Variants in AACS observed in about 807,000 individuals in gnomAD.
The protein encoded by AACS is acetoacetate-CoA ligase.
Under a neutral mutation model 83.1 loss-of-function variants are expected in AACS, and 69 were observed. The observed-to-expected ratio is 0.83, with a 90% CI of 0.68 to 1.01. The LOEUF is 1.01. Ranked by LOEUF, AACS falls within the 50% of genes least tolerant of loss-of-function variation. The pLI is 0.00. For missense variants in AACS, 866 were observed against 882.2 expected (o/e 0.98, Z 0.23); for synonymous variants, 333 against 343.4 (o/e 0.97, Z 0.33).
At chr12:125,098,707 C>T (rs1434158382) in intron 5 of AACS, among the ~76,000 whole-genome samples, 1 of 152,204 alleles carries the variant, frequency 6.6e-6, no homozygotes, top group Non-Finnish European at 1.5e-5. Flanking sequence ...CCCGCCTTGG[C>T]CTCCCGGTGT....
In AACS at chr12:125,102,713, A is replaced by G; in HGVS notation, c.605A>G (p.Lys202Arg). 5 of 1,614,082 alleles carry G rather than the reference A, an allele frequency of 3.1e-6. No homozygotes were observed. Among genetic ancestry groups the G allele is most frequent in the Non-Finnish European group, 4.2e-6 (5 of 1,180,006 alleles). The change falls in exon 6 of 18, where the codon AAG (lysine) becomes AGG (arginine). Residue 202 changes from lysine to arginine, a missense_variant. Physicochemically the swap from Lys to Arg is conservative, Grantham distance 26 (BLOSUM62 2). Coordinates refer to ENST00000316519, the MANE Select transcript of AACS (RefSeq NM_023928.5). Reference protein sequence around the residue: ...VLDRFSQIQPKLIFSVEAVVY... With the variant: ...VLDRFSQIQPRLIFSVEAVVY... ...GACCGGTTTTCTCAAATTCAGCCAA[A>G]GCTCATCTTCTCTGTGGAGGCTGTT...
Position 125,094,297 on chromosome 12 carries a change from T to C in AACS, c.570+2774T>C, listed in dbSNP as rs909257191. Among the ~76,000 whole-genome samples the C allele has an allele frequency of 6.6e-6, 1 of 152,368 alleles. No individual in the cohort carries two copies. Among genetic ancestry groups the C allele is most frequent in the African/African-American group, 2.4e-5 (1 of 41,594 alleles). ...AAGGGGCGCTCTTCAGAAACTGCAA[T>C]GAAGCGTGAATGTCTTCCCTTTGGA... is the stretch of plus-strand genomic sequence containing the variant. On this transcript the variant is annotated intron_variant, in intron 5 of 17. Coordinates refer to ENST00000316519, the MANE Select transcript of AACS (RefSeq NM_023928.5). The surrounding 1 kb of genome is among the most constrained non-coding windows in gnomAD (Gnocchi z 4.1).
At chr12:125,100,938 C>T (rs1335178933) in intron 5 of AACS, 2 of 152,258 alleles carry the variant, frequency 1.3e-5, no homozygotes, top group Non-Finnish European at 2.9e-5. Flanking sequence ...AATAGTCCCA[C>T]TGCAGGCGGT....
At chr12:125,125,130 G>A (rs1341958196) in intron 12 of AACS, 106 bp downstream of exon 12, 4 of 1,521,506 alleles carry the variant, frequency 2.6e-6, no homozygotes, top group Non-Finnish European at 3.6e-6. Context: ...AGTCCGCTGG[G>A]CAGCCAATAC....
In AACS at chr12:125,086,534, G is replaced by C. The variant is rs1243464547; in HGVS notation, c.472+91G>C. On this transcript the variant is annotated intron_variant, in intron 4 of 17. Transcript: ENST00000316519. ...GTCAAGACGGCTTTCAAATAAGGGG[G>C]AGTCATGTCATATTACATGGAACCT... The C allele has an allele frequency of 6.0e-6, 7 of 1,170,998 alleles. No homozygotes were observed. The Admixed American group carries it at 1.3e-4, about 22-fold the overall frequency. 72.5% of individuals were successfully genotyped at this position (1,170,998 alleles called of 1,614,324 possible). A position where few individuals can be genotyped will look rare whatever the true frequency, so the allele number is the denominator to read the frequency against.
intron 9 of AACS, chr12:125,118,394 C>T (rs1007786857): frequency 2.6e-4 from 126 of 491,066 alleles, no homozygotes; most frequent in Non-Finnish European, 3.1e-4. Context: ...TGCTTTGTCT[C>T]TGTCACCAGC....
At chr12:125,133,560 C>T (rs1022856833) in intron 14 of AACS, among the ~76,000 whole-genome samples, 1 of 152,232 alleles carries the variant, frequency 6.6e-6, no homozygotes, top group African/African-American at 2.4e-5. Flanking sequence ...CCTTCCTGGT[C>T]ACGAGCACGT....
At chr12:125,066,574 C>T (rs546515314) in intron 1 of AACS, among the ~76,000 whole-genome samples, 5 of 151,760 alleles carry the variant, frequency 3.3e-5, no homozygotes, top group African/African-American at 4.8e-5. Flanking sequence ...CTCAGCCTCC[C>T]GAGTAGCTGG....
chr12:125,077,938 A>G (rs2136045813), intron 3 of AACS, among the ~76,000 whole-genome samples: 1 of 152,182 alleles, frequency 6.6e-6, no homozygotes, highest in Middle Eastern at 3.4e-3. Flanking sequence ...CGAACTCCTG[A>G]CCTCAGGTGA....
intron 1 of AACS, among the ~76,000 whole-genome samples, chr12:125,071,155 C>T (rs957383189): frequency 2.0e-5 from 3 of 152,166 alleles, no homozygotes; most frequent in Admixed American, 1.3e-4. Flanking sequence ...CAAGGTAGTG[C>T]AGGAGACATC....
At position 125,091,974 on chromosome 12, in the gene AACS, G is replaced by C. The variant is rs570351876; in HGVS notation, c.570+451G>C. On this transcript the variant is annotated intron_variant, in intron 5 of 17. Coordinates refer to ENST00000316519, the MANE Select transcript of AACS (RefSeq NM_023928.5). ...CAGCCCCTTCCTCTGGACCCGTACT[G>C]TGTGGGTGTGCACTCCGGGAGGGTG... Among the ~76,000 whole-genome samples the C allele has an allele frequency of 2.0e-4, 30 of 152,192 alleles. 1 individual carries two copies. Among genetic ancestry groups the C allele is most frequent in the Non-Finnish European group, 2.9e-5 (2 of 68,026 alleles).
In AACS at chr12:125,085,534, G is replaced by A. The variant is rs369396549; in HGVS notation, c.359-796G>A. On this transcript the variant is annotated intron_variant, in intron 3 of 17. Coordinates refer to ENST00000316519, the MANE Select transcript of AACS (RefSeq NM_023928.5). ...GTTTCATGGAACCACGTACGTGCAC[G>A]TTGCATCCACATCTGTTTCACGGAA... Among the ~76,000 whole-genome samples the A allele has an allele frequency of 2.8e-4, 42 of 151,570 alleles. 1 individual carries two copies. The highest frequency in any genetic ancestry group is 8.0e-4 in the African/African-American group (33 of 41,198).
chr12:125,116,034 G>A (rs898721659), intron 9 of AACS, among the ~76,000 whole-genome samples: 2 of 152,158 alleles, frequency 1.3e-5, no homozygotes, highest in African/African-American at 4.8e-5. Flanking sequence ...AGGGGCTTGA[G>A]ACAAATGATT....
At chr12:125,091,881 A>T (rs1241966550) in intron 5 of AACS, among the ~76,000 whole-genome samples, 1 of 152,162 alleles carries the variant, frequency 6.6e-6, no homozygotes, top group East Asian at 1.9e-4. Context: ...AGTTCTCTAG[A>T]TTTTTGTTCT....
Position 125,086,453 on chromosome 12 carries a change from TTGGGTGC to T in AACS, c.472+14_472+20del, listed in dbSNP as rs1405571133. On this transcript the variant is annotated intron_variant, in intron 4 of 17. Transcript: ENST00000316519. ...GGAGATCGGGTTGTTGGTAAGTATT[TTGGGTGC>T]TGGTGATGGTTTGAGGGAGGAGACC... The T allele has an allele frequency of 1.2e-6, 2 of 1,613,636 alleles. No individual in the cohort carries two copies. The highest frequency in any genetic ancestry group is 1.7e-6 in the Non-Finnish European group (2 of 1,179,682).
chr12:125,121,152 TGAGA>T (rs1246010848), intron 10 of AACS: 3 of 152,386 alleles, frequency 2.0e-5, no homozygotes, highest in African/African-American at 7.2e-5. Context: ...TCGCCCCGCC[TGAGA>T]GAGCCTCCTG....
At chr12:125,114,833 C>T (rs1430454741) in intron 9 of AACS, among the ~76,000 whole-genome samples, 4 of 149,420 alleles carry the variant, frequency 2.7e-5, no homozygotes, top group African/African-American at 5.0e-5. Flanking sequence ...CTTCCCCGGG[C>T]GCCGGCCCGT....
intron 16 of AACS, 63 bp downstream of exon 16, chr12:125,134,915 G>T: frequency 6.3e-7 from 1 of 1,575,234 alleles, no homozygotes. Flanking sequence ...CCTGGCGGGA[G>T]CCCCAGGAGC....
intron 14 of AACS, among the ~76,000 whole-genome samples, chr12:125,133,367 C>G (rs972318992): frequency 6.6e-6 from 1 of 152,194 alleles, no homozygotes; most frequent in Admixed American, 6.5e-5. Flanking sequence ...GCGTGCAGGC[C>G]TTCTCTGAAC....
Sources: gnomAD v4.1 joint callset for allele counts (sites outside exome capture counted in the v4.1 genomes callset) on GRCh38, gnomAD v4.1.1 for gene constraint, Gnocchi (gnomAD v3.1) non-coding constraint, MANE v1.5 for transcripts, NCBI Gene and HGNC (gene_info 2026-07-23, HGNC 2026-07-21) for gene names.